Variants in PRKG1 observed in about 807,000 individuals in gnomAD.
The protein encoded by PRKG1 is cGMP-dependent protein kinase 1.
PRKG1 carries 35 observed loss-of-function variants against 88.1 expected under a neutral mutation model. The ratio of observed to expected loss-of-function variants is 0.40; its 90% CI spans 0.30 to 0.53. The LOEUF is 0.53. Ranked by LOEUF, PRKG1 falls within the 20% of genes least tolerant of loss-of-function variation. The probability of loss-of-function intolerance (pLI) is 0.59; values close to 1 mark genes in which losing one functional copy is unlikely to be tolerated. For synonymous variants in PRKG1, 303 were observed against 292.5 expected (o/e 1.04, Z -0.37); for missense variants, 540 against 839.8 (o/e 0.64, Z 4.41).
chr10:51,402,757 T>G (rs1837786149), intron 2 of PRKG1, among the ~76,000 whole-genome samples: 1 of 152,138 alleles, frequency 6.6e-6, no homozygotes, highest in South Asian at 2.1e-4. Context: ...CTAAAGTAAA[T>G]GCCTGATTAG....
intron 5 of PRKG1, among the ~76,000 whole-genome samples, chr10:51,970,708 T>G (rs28673671): frequency 4.6e-4 from 64 of 139,600 alleles, no homozygotes; most frequent in African/African-American, 1.7e-3. Flanking sequence ...AGATATATCA[T>G]CTGATATATA....
rs1211976786 is a variant in PRKG1 at position 52,271,394 on chromosome 10, T to C, written c.1218T>C (p.Ile406=). Residue 406 remains isoleucine (I), a synonymous_variant, in exon 11 of 18, where the codon ATT becomes ATC. Transcript: ENST00000373980. Reference sequence around the variant, plus strand: ...AATCCAAAACGTTTGCAATGAAGATTCTCAAGAAACGTCACATTGTGGACA... The same window carrying C: ...AATCCAAAACGTTTGCAATGAAGATCCTCAAGAAACGTCACATTGTGGACA... ...SEESKTFAMK[I]LKKRHIVDTR... The C allele has an allele frequency of 1.4e-5, 23 of 1,612,878 alleles. No homozygotes were observed. The highest frequency in any genetic ancestry group is 1.9e-5 in the Non-Finnish European group (22 of 1,179,302).
chr10:52,057,962 A>G (rs1349724817), intron 6 of PRKG1, among the ~76,000 whole-genome samples: 4 of 152,154 alleles, frequency 2.6e-5, no homozygotes, highest in South Asian at 2.1e-4. Context: ...CATCCCAAAT[A>G]CTATAGTAAG....
chr10:51,531,868 C>T (rs1367401944), intron 3 of PRKG1, among the ~76,000 whole-genome samples: 1 of 151,880 alleles, frequency 6.6e-6, no homozygotes, highest in Admixed American at 6.6e-5. Flanking sequence ...TGGTCTTGAA[C>T]CCCTGACCTC....
At chr10:51,718,123 G>C (rs1841929447) in intron 3 of PRKG1, among the ~76,000 whole-genome samples, 3 of 152,086 alleles carry the variant, frequency 2.0e-5, no homozygotes, top group South Asian at 2.1e-4. Context: ...TGGTGCTGGT[G>C]GTGGGGAAAA....
intron 2 of PRKG1, among the ~76,000 whole-genome samples, chr10:51,321,646 G>C (rs1268386326): frequency 6.6e-6 from 1 of 152,052 alleles, no homozygotes. Flanking sequence ...GATGGTTAAT[G>C]GGTACGAAAA....
chr10:52,014,108 A>T (rs373995864), intron 5 of PRKG1, among the ~76,000 whole-genome samples: 3 of 152,306 alleles, frequency 2.0e-5, no homozygotes, highest in Admixed American at 1.3e-4. Context: ...GGATTGAAGT[A>T]TGAGGGGACT....
chr10:51,376,928 G>A (rs962881578), intron 2 of PRKG1, among the ~76,000 whole-genome samples: 2 of 152,040 alleles, frequency 1.3e-5, no homozygotes, highest in African/African-American at 4.8e-5. Flanking sequence ...CCGTCTGCCT[G>A]GGACTCCCAA....
chr10:51,952,286 A>T (rs1843203196), intron 5 of PRKG1, among the ~76,000 whole-genome samples: 1 of 152,220 alleles, frequency 6.6e-6, no homozygotes, highest in South Asian at 2.1e-4. Flanking sequence ...AAAGGCCTGG[A>T]CATTTGTATT....
At position 51,205,127 on chromosome 10, in the gene PRKG1, C is replaced by CTTTCTTTTTTTTTTTTTTTTT. The variant is rs1433048297; in HGVS notation, c.478+51800_478+51801insCTTTTTTTTTTTTTTTTTTTT. Among the ~76,000 whole-genome samples, 324 of 64,022 alleles carry CTTTCTTTTTTTTTTTTTTTTT rather than the reference C, an allele frequency of 5.1e-3. 88 individuals are homozygous for CTTTCTTTTTTTTTTTTTTTTT. Among genetic ancestry groups the CTTTCTTTTTTTTTTTTTTTTT allele is most frequent in the African/African-American group, 8.5e-3 (147 of 17,274 alleles). 42.0% of individuals were successfully genotyped at this position (64,022 alleles called of 152,430 possible). ...TAAGGAAGAATTTTCATTTTCTTTT[C>CTTTCTTTTTTTTTTTTTTTTT]TTTTTTTTTTTTTTTTTTTTTTTTT... On this transcript the variant is annotated intron_variant, in intron 2 of 17. Coordinates refer to ENST00000373980, the MANE Select transcript of PRKG1 (RefSeq NM_006258.4).
At chr10:51,061,305 T>C (rs1380868393) in intron 1 of PRKG1, among the ~76,000 whole-genome samples, 1 of 152,090 alleles carries the variant, frequency 6.6e-6, no homozygotes, top group Non-Finnish European at 1.5e-5. Context: ...CTTGTGAGAC[T>C]TATTCAGTAT....
At chr10:51,880,117 T>C (rs1841401498) in intron 4 of PRKG1, among the ~76,000 whole-genome samples, 1 of 152,250 alleles carries the variant, frequency 6.6e-6, no homozygotes, top group Non-Finnish European at 1.5e-5. Flanking sequence ...GAAAATTTTA[T>C]TGTATTTGAT....
intron 3 of PRKG1, among the ~76,000 whole-genome samples, chr10:51,653,329 C>G (rs1840085659): frequency 1.3e-5 from 2 of 152,148 alleles, no homozygotes; most frequent in African/African-American, 4.8e-5. Context: ...TTCCCACAAA[C>G]AGTGTACAAG....
intron 3 of PRKG1, among the ~76,000 whole-genome samples, chr10:51,650,428 A>T (rs185847303): frequency 1.3e-5 from 2 of 152,326 alleles, no homozygotes; most frequent in East Asian, 3.9e-4. Context: ...TGAGTTAGAG[A>T]AAAAATTTTC....
At chr10:52,170,544 A>G (rs1395807503) in intron 9 of PRKG1, among the ~76,000 whole-genome samples, 1 of 152,068 alleles carries the variant, frequency 6.6e-6, no homozygotes, top group Non-Finnish European at 1.5e-5. Flanking sequence ...GAAGTACCAC[A>G]ATCACCCCCC....
chr10:51,754,467 T>C (rs991710261), intron 3 of PRKG1, among the ~76,000 whole-genome samples: 4 of 152,196 alleles, frequency 2.6e-5, no homozygotes, highest in Admixed American at 2.6e-4. Flanking sequence ...TCACTCAGGA[T>C]GGTACTGAAT....
intron 5 of PRKG1, among the ~76,000 whole-genome samples, chr10:51,921,334 A>G (rs1040944231): frequency 6.6e-6 from 1 of 152,134 alleles, no homozygotes; most frequent in Non-Finnish European, 1.5e-5. Flanking sequence ...AATTCTCTAC[A>G]ATAACAAGCA....
intron 1 of PRKG1, among the ~76,000 whole-genome samples, chr10:51,123,553 G>A (rs1589169706): frequency 6.6e-6 from 1 of 152,050 alleles, no homozygotes; most frequent in Non-Finnish European, 1.5e-5. Context: ...AGGCGTGATG[G>A]TGGGTTCCTG....
At chr10:52,227,400 C>A (rs1392715973) in intron 9 of PRKG1, among the ~76,000 whole-genome samples, 2 of 152,146 alleles carry the variant, frequency 1.3e-5, no homozygotes, top group African/African-American at 4.8e-5. Flanking sequence ...TGCATTTGTG[C>A]TGAACATGTA....
Sources: gnomAD v4.1 joint callset for allele counts (sites outside exome capture counted in the v4.1 genomes callset) on GRCh38, gnomAD v4.1.1 for gene constraint, MANE v1.5 for transcripts, NCBI Gene and HGNC (gene_info 2026-07-23, HGNC 2026-07-21) for gene names.